The following ARHGAP24 variants were observed in gnomAD, a reference collection of about 807,000 sequenced individuals.
ARHGAP24 encodes Rho GTPase activating protein 24.
A neutral mutation model predicts 76.4 loss-of-function variants in ARHGAP24; 50 were observed. That is an observed-to-expected ratio of 0.65 (90% CI 0.52 to 0.83). The LOEUF is 0.83. ARHGAP24 is among the 40% of genes least tolerant of loss of function. The pLI is 0.00. For synonymous variants in ARHGAP24, 345 were observed against 323.3 expected, an observed-to-expected ratio of 1.07 and a Z score of -0.72; for missense variants, 930 against 914.2, an observed-to-expected ratio of 1.02 and a Z score of -0.22.
At chr4:85,989,930 C>G (rs1328269362) in intron 8 of ARHGAP24, 1 of 151,540 alleles carries the variant, frequency 6.6e-6, no homozygotes, top group South Asian at 2.1e-4. Context: ...CCTTATCCCA[C>G]CATTTCCATT....
chr4:85,724,125 G>A (rs951803133), intron 3 of ARHGAP24, among the ~76,000 whole-genome samples: 1 of 152,264 alleles, frequency 6.6e-6, no homozygotes. Context: ...TCGGCAGGCC[G>A]TGGGCCTACC....
chr4:85,785,004 A>C (rs1165951987), intron 3 of ARHGAP24, among the ~76,000 whole-genome samples: 1 of 151,842 alleles, frequency 6.6e-6, no homozygotes, highest in Non-Finnish European at 1.5e-5. Flanking sequence ...TAGACACATA[A>C]ATATAGATAG....
At chr4:85,969,379 A>G (rs1251154969) in intron 5 of ARHGAP24, among the ~76,000 whole-genome samples, 1 of 152,060 alleles carries the variant, frequency 6.6e-6, no homozygotes, top group Non-Finnish European at 1.5e-5. Flanking sequence ...TCATTTATTT[A>G]TTGTATTTAT....
At chr4:85,646,591 A>T (rs569735525) in intron 2 of ARHGAP24, among the ~76,000 whole-genome samples, 1 of 152,190 alleles carries the variant, frequency 6.6e-6, no homozygotes, top group South Asian at 2.1e-4. Context: ...TTAGGATTAA[A>T]TTGTATTCAT....
intron 3 of ARHGAP24, among the ~76,000 whole-genome samples, chr4:85,782,133 A>C (rs1334988561): frequency 6.6e-6 from 1 of 151,818 alleles, no homozygotes; most frequent in Non-Finnish European, 1.5e-5. Context: ...GGCATGACTT[A>C]TTTTAAAATG....
At chr4:85,928,754 G>A (rs1452447046) in intron 4 of ARHGAP24, among the ~76,000 whole-genome samples, 1 of 152,128 alleles carries the variant, frequency 6.6e-6, no homozygotes, top group Non-Finnish European at 1.5e-5. Flanking sequence ...GAGCCATTGT[G>A]CCCAGCCCAA....
chr4:85,828,985 TGAG>T (rs1428743571), intron 3 of ARHGAP24, among the ~76,000 whole-genome samples: 4 of 152,068 alleles, frequency 2.6e-5, no homozygotes, highest in African/African-American at 9.7e-5. Flanking sequence ...TACATTGAAA[TGAG>T]GAATAATTAT....
Position 85,971,119 on chromosome 4 carries a change from A to T in ARHGAP24, c.600-917A>T, listed in dbSNP as rs545958613. On this transcript the variant is annotated intron_variant, in intron 5 of 9. Transcript: ENST00000395184. ...CATTCTAAGGATTCCCAGCCATCTT[A>T]GAATATTAGACAAGCAATTATGCTT... Among the ~76,000 whole-genome samples, 3 of 152,320 alleles carry T rather than the reference A, an allele frequency of 2.0e-5. No homozygotes were observed. The South Asian group carries it at 6.2e-4, about 32-fold the overall frequency.
At chr4:85,714,294 TCAAAATACTA>T (rs1724649797) in intron 2 of ARHGAP24, among the ~76,000 whole-genome samples, 1 of 152,170 alleles carries the variant, frequency 6.6e-6, no homozygotes, top group African/African-American at 2.4e-5. Context: ...TCAGGGACAC[TCAAAATACTA>T]CATATCTTTT....
intron 2 of ARHGAP24, among the ~76,000 whole-genome samples, chr4:85,715,304 T>C (rs184584680): frequency 6.6e-6 from 1 of 152,258 alleles, no homozygotes; most frequent in Non-Finnish European, 1.5e-5. Context: ...GTTATAATAC[T>C]AGCAGATATA....
At chr4:85,937,001 T>C (rs1234494591) in intron 4 of ARHGAP24, among the ~76,000 whole-genome samples, 3 of 152,088 alleles carry the variant, frequency 2.0e-5, no homozygotes, top group African/African-American at 7.2e-5. Flanking sequence ...GAGATCAGCT[T>C]GTGGGGATTT....
intron 2 of ARHGAP24, among the ~76,000 whole-genome samples, chr4:85,583,233 A>G (rs1273774058): frequency 1.3e-5 from 2 of 152,186 alleles, no homozygotes; most frequent in Non-Finnish European, 2.9e-5. Context: ...TTTAGCTAAT[A>G]AAAATTAAAG....
intron 3 of ARHGAP24, among the ~76,000 whole-genome samples, chr4:85,789,190 T>C (rs994715712): frequency 1.3e-5 from 2 of 148,550 alleles, no homozygotes; most frequent in Non-Finnish European, 3.0e-5. Context: ...AATAATTTAC[T>C]TAATCATGCC....
At chr4:85,549,824 A>G (rs1007812071) in intron 1 of ARHGAP24, among the ~76,000 whole-genome samples, 2 of 152,098 alleles carry the variant, frequency 1.3e-5, no homozygotes, top group Admixed American at 6.5e-5. Flanking sequence ...TGTGTACTCA[A>G]TGTTTAGCTC....
intron 4 of ARHGAP24, among the ~76,000 whole-genome samples, chr4:85,931,739 A>AAAC (rs1273904404): frequency 6.6e-6 from 1 of 152,212 alleles, no homozygotes; most frequent in African/African-American, 2.4e-5. Flanking sequence ...CAAAATAGGT[A>AAAC]AACTAAAATG....
chr4:85,836,791 G>C (rs1261743676), intron 3 of ARHGAP24, among the ~76,000 whole-genome samples: 1 of 152,218 alleles, frequency 6.6e-6, no homozygotes, highest in Non-Finnish European at 1.5e-5. Context: ...AGTGTGGTCA[G>C]TGACTAGCAG....
At chr4:85,523,702 A>G (rs954316911) in intron 1 of ARHGAP24, among the ~76,000 whole-genome samples, 6 of 152,168 alleles carry the variant, frequency 3.9e-5, no homozygotes, top group African/African-American at 7.2e-5. Flanking sequence ...TTCTAAGTGT[A>G]CATATCACCT....
chr4:85,923,044 T>A (rs1735816508), intron 3 of ARHGAP24, among the ~76,000 whole-genome samples: 1 of 151,796 alleles, frequency 6.6e-6, no homozygotes, highest in Admixed American at 6.6e-5. Context: ...TCCAGGCATG[T>A]CTTCTTCTTT....
At chr4:85,565,173 G>A (rs1392692036) in intron 1 of ARHGAP24, among the ~76,000 whole-genome samples, 1 of 151,432 alleles carries the variant, frequency 6.6e-6, no homozygotes, top group East Asian at 1.9e-4. Context: ...CAGCCTATTA[G>A]CAATACCTAT....
Sources: gnomAD v4.1 joint callset for allele counts (sites outside exome capture counted in the v4.1 genomes callset) on GRCh38, gnomAD v4.1.1 for gene constraint, MANE v1.5 for transcripts, NCBI Gene and HGNC (gene_info 2026-07-23, HGNC 2026-07-21) for gene names.